The following KCNH1 variants were observed in gnomAD, a reference collection of about 807,000 sequenced individuals.
KCNH1 encodes the protein potassium voltage-gated channel subfamily H member 1, also known as voltage-gated delayed rectifier potassium channel KCNH1.
KCNH1 carries 27 observed loss-of-function variants against 69.2 expected under a neutral mutation model. The ratio of observed to expected loss-of-function variants is 0.39; its 90% CI spans 0.29 to 0.54. The LOEUF (loss-of-function observed/expected upper bound fraction) is 0.54, where lower values mean the gene tolerates loss of function less well. Ranked by LOEUF, KCNH1 falls within the 20% of genes least tolerant of loss-of-function variation. The pLI is 0.68. For missense variants in KCNH1, 798 were observed against 1,261.6 expected, an observed-to-expected ratio of 0.63 and a Z score of 5.57; for synonymous variants, 456 against 487.7, an observed-to-expected ratio of 0.93 and a Z score of 0.86.
At chr1:211,078,049 A>G (rs975535002) in intron 5 of KCNH1, among the ~76,000 whole-genome samples, 3 of 152,248 alleles carry the variant, frequency 2.0e-5, no homozygotes, top group Admixed American at 6.5e-5. Context: ...TAAAGGGATC[A>G]ATTCAATAAG....
chr1:210,988,149 G>A (rs903474199), intron 6 of KCNH1, among the ~76,000 whole-genome samples: 3 of 152,188 alleles, frequency 2.0e-5, no homozygotes, highest in Admixed American at 6.5e-5. Context: ...GTATTAGGGT[G>A]GGAGTGATCC....
chr1:211,057,674 CAAAG>C (rs907531905), intron 5 of KCNH1, among the ~76,000 whole-genome samples: 1 of 148,908 alleles, frequency 6.7e-6, no homozygotes, highest in African/African-American at 2.5e-5. Context: ...AAACAGAAAA[CAAAG>C]AAGACAGAGA....
At chr1:210,836,587 C>G (rs1172306139) in intron 7 of KCNH1, among the ~76,000 whole-genome samples, 1 of 152,162 alleles carries the variant, frequency 6.6e-6, no homozygotes, top group Non-Finnish European at 1.5e-5. Context: ...CCATGCTAAA[C>G]AGAGACTATC....
chr1:210,866,352 T>C (rs1440632742), intron 7 of KCNH1, among the ~76,000 whole-genome samples: 1 of 152,092 alleles, frequency 6.6e-6, no homozygotes, highest in East Asian at 1.9e-4. Flanking sequence ...GCAGAAAATA[T>C]TTGCAAATAA....
At chr1:211,084,592 C>A (rs1456637341) in intron 4 of KCNH1, among the ~76,000 whole-genome samples, 1 of 152,196 alleles carries the variant, frequency 6.6e-6, no homozygotes, top group African/African-American at 2.4e-5. Context: ...AGAGTGGGCT[C>A]TTAAAAGAGT....
At chr1:210,983,577 G>A (rs1468432228) in intron 6 of KCNH1, among the ~76,000 whole-genome samples, 3 of 152,180 alleles carry the variant, frequency 2.0e-5, no homozygotes, top group African/African-American at 7.2e-5. Flanking sequence ...AGATCAGATA[G>A]TTGCAGACAT....
intron 10 of KCNH1, among the ~76,000 whole-genome samples, chr1:210,743,516 A>G (rs1683084353): frequency 6.6e-6 from 1 of 152,158 alleles, no homozygotes. Context: ...CAGCCTGAGC[A>G]GTGGGCTGAG....
chr1:211,102,643 C>T (rs1011701586), intron 3 of KCNH1, among the ~76,000 whole-genome samples: 1 of 152,194 alleles, frequency 6.6e-6, no homozygotes, highest in African/African-American at 2.4e-5. Context: ...CCAGCCCCTC[C>T]CAGATAAAAA....
At chr1:210,937,795 C>T (rs1019783179) in intron 6 of KCNH1, among the ~76,000 whole-genome samples, 2 of 152,166 alleles carry the variant, frequency 1.3e-5, no homozygotes, top group Admixed American at 6.5e-5. Context: ...CAGATTTGAA[C>T]GCTGACTACT....
chr1:210,890,715 C>A (rs1686729922), intron 7 of KCNH1, among the ~76,000 whole-genome samples: 1 of 151,890 alleles, frequency 6.6e-6, no homozygotes, highest in African/African-American at 2.4e-5. Flanking sequence ...AAAACCCCAT[C>A]AAAAAGTGGG....
intron 6 of KCNH1, among the ~76,000 whole-genome samples, chr1:210,995,213 G>A (rs761594150): frequency 2.0e-5 from 3 of 152,100 alleles, no homozygotes; most frequent in Non-Finnish European, 2.9e-5. Flanking sequence ...CTTTAAAAGA[G>A]GAACAGATTC....
chr1:210,783,859 A>G (rs933405046), intron 9 of KCNH1, among the ~76,000 whole-genome samples: 31 of 152,304 alleles, frequency 2.0e-4, no homozygotes, highest in African/African-American at 6.7e-4. Flanking sequence ...TCAGGAGTCC[A>G]TGGTCCAGCG....
chr1:211,111,748 G>T (rs867197217), intron 1 of KCNH1, among the ~76,000 whole-genome samples: 2 of 124,778 alleles, frequency 1.6e-5, no homozygotes, highest in African/African-American at 6.2e-5. Flanking sequence ...AGTGAGGAGC[G>T]CCTCTGCTTG....
rs753181343 is a variant in KCNH1 at position 210,983,725 on chromosome 1, T to C, written c.1032+35058A>G. On this transcript the variant is annotated intron_variant, in intron 6 of 10. Coordinates refer to ENST00000271751, the MANE Select transcript of KCNH1 (RefSeq NM_172362.3). Reference sequence around the variant, plus strand: ...TAGCGTGATGTCTCCAGCTTTGTTCTTTTGGCTTAGCATCGACTTGGCGAT... The same window carrying C: ...TAGCGTGATGTCTCCAGCTTTGTTCCTTTGGCTTAGCATCGACTTGGCGAT... Among the ~76,000 whole-genome samples the C allele has an allele frequency of 6.6e-5, 10 of 152,240 alleles. 1 individual carries two copies. The highest frequency in any genetic ancestry group is 1.0e-4 in the Non-Finnish European group (7 of 68,044).
intron 6 of KCNH1, among the ~76,000 whole-genome samples, chr1:210,927,140 A>G (rs1266194198): frequency 1.3e-5 from 2 of 152,222 alleles, no homozygotes; most frequent in East Asian, 3.8e-4. Flanking sequence ...TTTGGAAAAC[A>G]TATTTGAGGG....
chr1:210,806,806 CCAAAAAAAAAAAAAAAAAAA>C lies in KCNH1; in HGVS notation c.1463-2660_1463-2641del, dbSNP rs1684576433. 7.0e-5 allele frequency among the ~76,000 whole-genome samples: 6 copies of C among 86,270 alleles called. 2 individuals carry two copies. The highest frequency in any genetic ancestry group is 6.5e-5 in the Non-Finnish European group (3 of 46,484). The allele number at this position is 86,270 out of a possible 152,430, so 56.6% of individuals were successfully genotyped here. On this transcript the variant is annotated intron_variant, in intron 7 of 10. Coordinates refer to ENST00000271751, the MANE Select transcript of KCNH1 (RefSeq NM_172362.3). ...CCAATATGGTGAAACCCCATCTCTA[CCAAAAAAAAAAAAAAAAAAA>C]AAAAAAAAAAATATATATATATATA...
chr1:210,847,107 T>C (rs188114440), intron 7 of KCNH1, among the ~76,000 whole-genome samples: 4 of 152,208 alleles, frequency 2.6e-5, no homozygotes, highest in Admixed American at 6.5e-5. Flanking sequence ...TGTGGAGAAA[T>C]AGGAACACTT....
At chr1:210,972,922 G>A (rs1373370016) in intron 6 of KCNH1, among the ~76,000 whole-genome samples, 2 of 90,996 alleles carry the variant, frequency 2.2e-5, no homozygotes, top group Non-Finnish European at 4.4e-5. Context: ...ACTACCAAAC[G>A]TCTCAAAAAA....
rs563113926 is a variant in KCNH1, at chr1:210,840,639, A to G, written c.1463-36473T>C. On this transcript the variant is annotated intron_variant, in intron 7 of 10. Transcript: ENST00000271751. Reference sequence around the variant, plus strand: ...GAAGAACACACTTCGAGCATTCTGCAAAGCGGGGTTGCAAAAGCAAGCTTG... The same window carrying G: ...GAAGAACACACTTCGAGCATTCTGCGAAGCGGGGTTGCAAAAGCAAGCTTG... Among the ~76,000 whole-genome samples the G allele has an allele frequency of 2.0e-4, 30 of 152,338 alleles. No individual in the cohort carries two copies. The East Asian group carries it at 3.9e-3, about 20-fold the overall frequency.
Sources: allele counts gnomAD v4.1 joint callset (sites outside exome capture counted in the v4.1 genomes callset), GRCh38; gene constraint gnomAD v4.1.1; transcripts MANE v1.5; gene names NCBI Gene and HGNC (gene_info 2026-07-23, HGNC 2026-07-21).